The following ETV3 variants were observed in gnomAD, a reference collection of about 807,000 sequenced individuals.
ETV3 encodes the protein ETS variant transcription factor 3, also known as ETS translocation variant 3.
ETV3 carries 8 observed loss-of-function variants against 33.0 expected under a neutral mutation model. The observed-to-expected ratio is 0.24, with a 90% CI of 0.14 to 0.44. The LOEUF is 0.44. Ranked by LOEUF, ETV3 falls within the 20% of genes least tolerant of loss-of-function variation. The pLI, the probability that ETV3 is intolerant of heterozygous loss-of-function variation, is 1.00. For synonymous variants in ETV3, 222 were observed against 238.9 expected (o/e 0.93, Z 0.65); for missense variants, 473 against 652.3 (o/e 0.73, Z 2.99).
rs2103199238 is a variant in ETV3, at chr1:157,125,946, G to A, written c.434C>T (p.Thr145Ile). 1 of 1,551,286 alleles carries A rather than the reference G, an allele frequency of 6.4e-7. No homozygotes were observed. The highest frequency in any genetic ancestry group is 2.0e-5 in the Admixed American group (1 of 50,998). The stretch of plus-strand genomic sequence containing the variant: ...TGGGAAATGGAACCGGGAAGAGGCT[G>A]TTGGCACTGGTGGTGCACTCTGAGG... The part of the protein sequence containing the change: ...VVPQSAPPVP[T>I]ASSRFHFPPL... The change falls in exon 5 of 5, where the codon ACA becomes ATA. Residue 145 changes from threonine to isoleucine, a missense_variant. This residue lies in a region of ETV3 where 410 missense variants were observed against 520.2 expected (regional missense o/e 0.79). Transcript: ENST00000368192. The surrounding 1 kb of genome is among the most constrained non-coding windows in gnomAD (Gnocchi z 4.0).
At chr1:157,134,034 G>A (rs753068761) in intron 4 of ETV3, 78 bp downstream of exon 4, 1 of 1,570,208 alleles carries the variant, frequency 6.4e-7, no homozygotes. Context: ...TCCTAAACAT[G>A]CCATGTCTTA....
rs1162479244 is a variant in ETV3 at position 157,124,171 on chromosome 1, T to C, written c.*670A>G. 1 of 150,220 alleles carries C rather than the reference T, an allele frequency of 6.7e-6. No individual in the cohort carries two copies. Among genetic ancestry groups the C allele is most frequent in the Non-Finnish European group, 1.5e-5 (1 of 67,738 alleles). The allele number at this position is 150,220 out of a possible 1,614,324, so 9.3% of individuals were successfully genotyped here. A position where few individuals can be genotyped will look rare whatever the true frequency, so the allele number is the denominator to read the frequency against. ...CAGCCCCACTATAATTGGCAGTATG[T>C]TTGTTCATGTTTCCTGAAAACATTT... On this transcript the variant is annotated 3_prime_UTR_variant, in exon 5 of 5. Transcript: ENST00000368192.
At chr1:157,134,090 A>C in intron 4 of ETV3, 22 bp downstream of exon 4, 1 of 1,602,388 alleles carries the variant, frequency 6.2e-7, no homozygotes, top group Non-Finnish European at 8.5e-7. Context: ...TTAATTCCCT[A>C]CCAAAAGAGT....
In ETV3 at chr1:157,123,786, G is replaced by A. The variant is rs879483790; in HGVS notation, c.*1055C>T. The A allele has an allele frequency of 3.9e-5, 6 of 152,108 alleles. No homozygotes were observed. Among genetic ancestry groups the A allele is most frequent in the Non-Finnish European group, 8.8e-5 (6 of 68,016 alleles). 9.4% of individuals were successfully genotyped at this position (152,108 alleles called of 1,614,324 possible). The stretch of plus-strand genomic sequence containing the variant: ...TTTACAGGTTTATGGTGACAGACCC[G>A]TATCATCTTAAAGTATGTTCATAGT... On this transcript the variant is annotated 3_prime_UTR_variant, in exon 5 of 5. Coordinates refer to ENST00000368192, the MANE Select transcript of ETV3 (RefSeq NM_001145312.3).
intron 4 of ETV3, chr1:157,133,782 G>A: frequency 9.4e-7 from 1 of 1,062,232 alleles, no homozygotes; most frequent in Non-Finnish European, 1.1e-6. Flanking sequence ...TGGGCTGGGT[G>A]TTAAAACTGA....
chr1:157,129,853 T>TG (rs1461946625), intron 4 of ETV3, among the ~76,000 whole-genome samples: 2 of 147,496 alleles, frequency 1.4e-5, no homozygotes, highest in East Asian at 3.9e-4. Context: ...TTTTGTTTTG[T>TG]TTTTTTTTTG....
chr1:157,132,912 C>A (rs1571700717), intron 4 of ETV3, among the ~76,000 whole-genome samples: 4 of 152,132 alleles, frequency 2.6e-5, no homozygotes, highest in Admixed American at 6.5e-5. Flanking sequence ...CTCAACCACA[C>A]CCCCACTAAT....
Position 157,124,769 on chromosome 1 carries a change from C to CCCCAAACT in ETV3, c.*71_*72insAGTTTGGG. The CCCCAAACT allele has an allele frequency of 1.4e-6, 1 of 694,886 alleles. No individual in the cohort carries two copies. Among genetic ancestry groups the CCCCAAACT allele is most frequent in the Non-Finnish European group, 2.0e-6 (1 of 488,672 alleles). 43.0% of individuals were successfully genotyped at this position (694,886 alleles called of 1,614,324 possible). A position where few individuals can be genotyped will look rare whatever the true frequency, so the allele number is the denominator to read the frequency against. On this transcript the variant is annotated 3_prime_UTR_variant, in exon 5 of 5. Transcript: ENST00000368192. ...CCAGTTTAACTCCCTCCCCCCCACC[C>CCCCAAACT]TGAAATCTTGCTACATAAATACATG...
chr1:157,125,977 C>G lies in ETV3; in HGVS notation c.403G>C (p.Val135Leu). 6.5e-7 allele frequency: 1 copy of G among 1,538,416 alleles called. No homozygotes were observed. The change falls in exon 5 of 5, where the codon GTG becomes CTG. Residue 135 changes from valine to leucine, a missense_variant and splice_region_variant. Val to Leu is a conservative substitution (Grantham distance 32). Transcript: ENST00000368192. The surrounding 1 kb of genome is among the most constrained non-coding windows in gnomAD (Gnocchi z 4.0). ...YPFINIRSSG[V>L]VPQSAPPVPT... ...ACTGGTGGTGCACTCTGAGGAACCA[C>G]ACCTGTGATGGTGGAAAATACAAAA...
intron 4 of ETV3, chr1:157,133,386 T>C: frequency 1.0e-6 from 1 of 985,362 alleles, no homozygotes; most frequent in Non-Finnish European, 1.2e-6. Context: ...ACTACTGTAT[T>C]TTCTTGGGCA....
chr1:157,125,860 GGGAGCTAGC>G lies in ETV3; in HGVS notation c.511_519del (p.Ala171_Ser173del). The stretch of plus-strand genomic sequence containing the variant: ...CTGGACTCCTGGCCAGAAGCAGTTA[GGGAGCTAGC>G]AGAGAACCGTCCCGGCTGCACATCA... On this transcript the variant is annotated inframe_deletion, in exon 5 of 5. Transcript: ENST00000368192. The surrounding 1 kb of genome is among the most constrained non-coding windows in gnomAD (Gnocchi z 4.0). 4 of 1,551,730 alleles carry G rather than the reference GGGAGCTAGC, an allele frequency of 2.6e-6. No homozygotes were observed. The highest frequency in any genetic ancestry group is 3.5e-6 in the Non-Finnish European group (4 of 1,147,012).
chr1:157,132,886 C>G (rs887438794), intron 4 of ETV3, among the ~76,000 whole-genome samples: 1 of 152,070 alleles, frequency 6.6e-6, no homozygotes, highest in Non-Finnish European at 1.5e-5. Flanking sequence ...TGCAATGGAT[C>G]TCAACATTAT....
intron 4 of ETV3, among the ~76,000 whole-genome samples, chr1:157,131,055 A>G (rs1485630710): frequency 2.0e-5 from 3 of 152,260 alleles, no homozygotes; most frequent in Admixed American, 1.3e-4. Context: ...TGTGGCTACA[A>G]TATTAACCAT....
Position 157,124,834 on chromosome 1 carries a change from T to C in ETV3, c.*7A>G. On this transcript the variant is annotated 3_prime_UTR_variant, in exon 5 of 5. Coordinates refer to ENST00000368192, the MANE Select transcript of ETV3 (RefSeq NM_001145312.3). ...TAGTATAAACAGCTCCTAATCCACT[T>C]CCAGTTCTAAGCATCAGCAGCTGCT... 7.5e-7 allele frequency: 1 copy of C among 1,332,836 alleles called. No homozygotes were observed. Among genetic ancestry groups the C allele is most frequent in the Non-Finnish European group, 9.9e-7 (1 of 1,013,082 alleles). 82.6% of individuals were successfully genotyped at this position (1,332,836 alleles called of 1,614,324 possible). A position where few individuals can be genotyped will look rare whatever the true frequency, so the allele number is the denominator to read the frequency against.
In ETV3 at chr1:157,125,409, C is replaced by T. The variant is rs767419115; in HGVS notation, c.971G>A (p.Gly324Glu). 1.9e-6 allele frequency: 3 copies of T among 1,552,078 alleles called. No homozygotes were observed. In the South Asian group the frequency reaches 3.6e-5, roughly 18 times the overall value. ...LSPRTFPRYP[G>E]LMVPPLQCQM... Reference sequence around the variant, plus strand: ...GCACTGCAGTGGTGGAACCATGAGCCCTGGGTAACGGGGAAAAGTCCGAGG... The same window carrying T: ...GCACTGCAGTGGTGGAACCATGAGCTCTGGGTAACGGGGAAAAGTCCGAGG... Residue 324 changes from glycine to glutamate, a missense_variant, in exon 5 of 5, where the codon GGG becomes GAG. Gly to Glu is a moderately conservative substitution (Grantham distance 98). This residue lies in a region of ETV3 where 410 missense variants were observed against 520.2 expected (regional missense o/e 0.79). Coordinates refer to ENST00000368192, the MANE Select transcript of ETV3 (RefSeq NM_001145312.3). The surrounding 1 kb of genome is among the most constrained non-coding windows in gnomAD (Gnocchi z 4.0).
At chr1:157,136,890 AG>A (rs1247552355) in intron 1 of ETV3, among the ~76,000 whole-genome samples, 2 of 152,212 alleles carry the variant, frequency 1.3e-5, no homozygotes, top group Non-Finnish European at 2.9e-5. Flanking sequence ...GTGAGATAGA[AG>A]GAAGATTCTT....
At chr1:157,137,720 A>T (rs1300333905) in intron 1 of ETV3, among the ~76,000 whole-genome samples, 1 of 152,014 alleles carries the variant, frequency 6.6e-6, no homozygotes, top group Non-Finnish European at 1.5e-5. Context: ...TTACCCTGCC[A>T]CAGAACTCCC....
chr1:157,134,922 G>A (rs948988247), intron 3 of ETV3, among the ~76,000 whole-genome samples: 1 of 152,206 alleles, frequency 6.6e-6, no homozygotes. Context: ...ACTATGAAAT[G>A]TAAGACCGAC....
In ETV3 at chr1:157,122,780, A is replaced by C. The variant is rs1674733451; in HGVS notation, c.*2061T>G. 1 of 152,224 alleles carries C rather than the reference A, an allele frequency of 6.6e-6. No homozygotes were observed. The highest frequency in any genetic ancestry group is 6.5e-5 in the Admixed American group (1 of 15,290). 9.4% of individuals were successfully genotyped at this position (152,224 alleles called of 1,614,324 possible). A position where few individuals can be genotyped will look rare whatever the true frequency, so the allele number is the denominator to read the frequency against. On this transcript the variant is annotated 3_prime_UTR_variant, in exon 5 of 5. Coordinates refer to ENST00000368192, the MANE Select transcript of ETV3 (RefSeq NM_001145312.3). The stretch of plus-strand genomic sequence containing the variant: ...TTCAGAGGTAAGTCGAAGTGCAGAG[A>C]AAGAAACTTACAAAAGCACAACCAC...
Sources: allele counts gnomAD v4.1 joint callset (sites outside exome capture counted in the v4.1 genomes callset), GRCh38; gene constraint gnomAD v4.1.1; regional missense constraint gnomAD v4.1.1; non-coding constraint Gnocchi (gnomAD v3.1); transcripts MANE v1.5; gene names NCBI Gene and HGNC (gene_info 2026-07-23, HGNC 2026-07-21).